Variants in ESRRG observed in about 807,000 individuals in gnomAD.
ESRRG encodes estrogen-related receptor gamma.
ESRRG carries 13 observed loss-of-function variants against 44.0 expected under a neutral mutation model. The ratio of observed to expected loss-of-function variants is 0.30; its 90% CI spans 0.19 to 0.47. The LOEUF is 0.47. Among genes scored for constraint, ESRRG ranks in the 20% least tolerant of loss-of-function variants. ESRRG has a pLI of 1.00. For synonymous variants in ESRRG, 215 were observed against 214.6 expected, an observed-to-expected ratio of 1.00 and a Z score of -0.02; for missense variants, 395 against 580.6, an observed-to-expected ratio of 0.68 and a Z score of 3.29.
chr1:216,759,501 CT>C (rs991790999), intron 2 of ESRRG, among the ~76,000 whole-genome samples: 7 of 152,022 alleles, frequency 4.6e-5, no homozygotes, highest in African/African-American at 1.7e-4. Context: ...CTGTTGAGTT[CT>C]TTTTTGATTT....
intron 2 of ESRRG, among the ~76,000 whole-genome samples, chr1:216,759,136 C>T (rs2092629995): frequency 6.6e-6 from 1 of 152,114 alleles, no homozygotes; most frequent in African/African-American, 2.4e-5. Flanking sequence ...ATATATTCTG[C>T]AGTTCCTGGG....
intron 2 of ESRRG, among the ~76,000 whole-genome samples, chr1:216,803,606 T>C (rs2094691837): frequency 6.6e-6 from 1 of 152,102 alleles, no homozygotes. Flanking sequence ...GACATTCCTC[T>C]TACATTTTGG....
intron 5 of ESRRG, among the ~76,000 whole-genome samples, chr1:216,523,490 G>GTTTTTTTTTTTTTTTTTTTTTTT (rs749747909): frequency 7.9e-6 from 1 of 126,328 alleles, no homozygotes; most frequent in Non-Finnish European, 1.7e-5. Flanking sequence ...ATCAAGCACT[G>GTTTTTTTTTTTTTTTTTTTTTTT]TTTTTTTTTT....
Position 217,105,291 on chromosome 1 carries a change from T to C in ESRRG, c.-230+32376A>G, listed in dbSNP as rs560773412. Among the ~76,000 whole-genome samples, 14 of 152,354 alleles carry C rather than the reference T, an allele frequency of 9.2e-5. No individual in the cohort carries two copies. In the East Asian group the frequency reaches 2.3e-3, roughly 25 times the overall value. On this transcript the variant is annotated intron_variant, in intron 1 of 8. Coordinates refer to the ESRRG transcript ENST00000366940. ...TCAATTTTAAAAAGCAGTTATATGT[T>C]ACACTGTTAGTGTGATTCAGGCATG...
intron 2 of ESRRG, among the ~76,000 whole-genome samples, chr1:216,907,184 G>C (rs528651670): frequency 2.6e-5 from 4 of 152,270 alleles, no homozygotes; most frequent in African/African-American, 9.6e-5. Context: ...ACTGACTCTG[G>C]GAAAATGAAA....
intron 1 of ESRRG, among the ~76,000 whole-genome samples, chr1:217,058,040 C>T (rs1396816910): frequency 6.6e-6 from 1 of 152,024 alleles, no homozygotes; most frequent in Non-Finnish European, 1.5e-5. Context: ...ATACTAATAA[C>T]TATAATTCAA....
chr1:217,080,738 C>T (rs1487473019), intron 1 of ESRRG, among the ~76,000 whole-genome samples: 4 of 142,192 alleles, frequency 2.8e-5, no homozygotes, highest in Non-Finnish European at 6.0e-5. Flanking sequence ...AGTGCAGTGG[C>T]GCCATCTTGG....
In ESRRG at chr1:217,023,119, A is replaced by C. The variant is rs1007238661; in HGVS notation, c.-106+66388T>G. On this transcript the variant is annotated intron_variant, in intron 1 of 7. Transcript: ENST00000359162. The stretch of plus-strand genomic sequence containing the variant: ...AATGGAGAAAAGAAGCTAATGCAAT[A>C]TATTAATTTAATGCATGTACTATCA... Among the ~76,000 whole-genome samples the C allele has an allele frequency of 7.2e-5, 11 of 152,210 alleles. No individual in the cohort carries two copies. The South Asian group carries it at 1.7e-3, about 23-fold the overall frequency.
At chr1:216,796,098 G>A (rs1220416903) in intron 2 of ESRRG, among the ~76,000 whole-genome samples, 2 of 152,134 alleles carry the variant, frequency 1.3e-5, no homozygotes, top group African/African-American at 4.8e-5. Context: ...CTTCCTAAAA[G>A]GCATAGCAAG....
intron 2 of ESRRG, among the ~76,000 whole-genome samples, chr1:216,846,082 A>G (rs1408028180): frequency 6.6e-6 from 1 of 152,162 alleles, no homozygotes. Context: ...AAATCATGTA[A>G]AAAGAACAAA....
intron 2 of ESRRG, among the ~76,000 whole-genome samples, chr1:216,891,622 T>C (rs1417316966): frequency 6.6e-6 from 1 of 152,108 alleles, no homozygotes; most frequent in Non-Finnish European, 1.5e-5. Context: ...ACCCGTACCA[T>C]AGAGATAGCA....
chr1:217,044,500 C>T (rs568576752), intron 1 of ESRRG, among the ~76,000 whole-genome samples: 8 of 152,280 alleles, frequency 5.3e-5, no homozygotes, highest in East Asian at 1.9e-4. Context: ...TGGTTCCTAA[C>T]GTAATTCACA....
At chr1:216,568,318 A>G (rs1052337385) in intron 3 of ESRRG, among the ~76,000 whole-genome samples, 1 of 152,252 alleles carries the variant, frequency 6.6e-6, no homozygotes, top group African/African-American at 2.4e-5. Context: ...AAGACATTTC[A>G]TGCAAAGCCA....
chr1:216,739,583 C>T (rs1389067537), intron 2 of ESRRG, among the ~76,000 whole-genome samples: 1 of 152,044 alleles, frequency 6.6e-6, no homozygotes, highest in African/African-American at 2.4e-5. Flanking sequence ...AGTGTAAATT[C>T]TCGGCCCTGC....
intron 1 of ESRRG, among the ~76,000 whole-genome samples, chr1:217,032,773 T>C (rs2082261852): frequency 6.6e-6 from 1 of 152,226 alleles, no homozygotes; most frequent in African/African-American, 2.4e-5. Context: ...CCAAATGCTA[T>C]GAAAATATTC....
At chr1:216,580,019 A>C (rs886320180) in intron 3 of ESRRG, among the ~76,000 whole-genome samples, 6 of 152,212 alleles carry the variant, frequency 3.9e-5, no homozygotes, top group African/African-American at 1.4e-4. Flanking sequence ...AGTGGAGTGC[A>C]TAGTGAAAAT....
chr1:216,643,646 C>T (rs2066903177), intron 3 of ESRRG, among the ~76,000 whole-genome samples: 2 of 152,132 alleles, frequency 1.3e-5, no homozygotes, highest in Non-Finnish European at 1.5e-5. Flanking sequence ...CAGTCCAATA[C>T]TCTAGGCTGC....
chr1:216,782,421 G>A (rs1450282595), intron 2 of ESRRG, among the ~76,000 whole-genome samples: 1 of 151,942 alleles, frequency 6.6e-6, no homozygotes, highest in Admixed American at 6.6e-5. Flanking sequence ...TTATCAAAAT[G>A]CAGGCAAACA....
At chr1:216,988,575 C>T (rs1248265177) in intron 1 of ESRRG, among the ~76,000 whole-genome samples, 2 of 152,166 alleles carry the variant, frequency 1.3e-5, no homozygotes, top group African/African-American at 4.8e-5. Context: ...GAACCCCAAC[C>T]CTCAGATTTA....
Sources: gnomAD v4.1 joint callset for allele counts (sites outside exome capture counted in the v4.1 genomes callset) on GRCh38, gnomAD v4.1.1 for gene constraint, MANE v1.5 for transcripts, NCBI Gene and HGNC (gene_info 2026-07-23, HGNC 2026-07-21) for gene names.